Variants in PTGES3 observed in about 807,000 individuals in gnomAD.
The protein encoded by PTGES3 is prostaglandin E synthase 3, also known as Hsp90 co-chaperone.
PTGES3 carries 5 observed loss-of-function variants against 29.9 expected under a neutral mutation model. That is an observed-to-expected ratio of 0.17 (90% CI 0.09 to 0.35). PTGES3 has a LOEUF of 0.35. Among genes scored for constraint, PTGES3 ranks in the 10% least tolerant of loss-of-function variants. The pLI is 1.00. For synonymous variants in PTGES3, 49 were observed against 57.8 expected (o/e 0.85, Z 0.69); for missense variants, 128 against 190.0 (o/e 0.67, Z 1.92).
chr12:56,675,368 C>T (rs923247721), intron 1 of PTGES3, among the ~76,000 whole-genome samples: 3 of 151,642 alleles, frequency 2.0e-5, no homozygotes, highest in Non-Finnish European at 4.4e-5. Flanking sequence ...CCAGATAAAA[C>T]AAATTTAAAT....
Position 56,687,591 on chromosome 12 carries a change from G to A in PTGES3, c.2+407C>T, listed in dbSNP as rs1045295689. On this transcript the variant is annotated intron_variant, in intron 1 of 7. Transcript: ENST00000262033. ...ACAGGTGCACTCGACTCAGGGCCTG[G>A]CCCCGGGACCACAAAGCAACAGAAC... 5 of 1,066,842 alleles carry A rather than the reference G, an allele frequency of 4.7e-6. No individual in the cohort carries two copies. The African/African-American group carries it at 6.8e-5, about 14-fold the overall frequency. The allele number at this position is 1,066,842 out of a possible 1,614,324, so 66.1% of individuals were successfully genotyped here. A position where few individuals can be genotyped will look rare whatever the true frequency, so the allele number is the denominator to read the frequency against.
chr12:56,664,199 C>A lies in PTGES3; in HGVS notation c.*280G>T. 1 of 298,026 alleles carries A rather than the reference C, an allele frequency of 3.4e-6. No homozygotes were observed. The highest frequency in any genetic ancestry group is 6.4e-6 in the Non-Finnish European group (1 of 156,264). 18.5% of individuals were successfully genotyped at this position (298,026 alleles called of 1,614,324 possible). A position where few individuals can be genotyped will look rare whatever the true frequency, so the allele number is the denominator to read the frequency against. ...GGTGAGATGTTTTTATTTATCGCAACTGCTGCATTAATTGCCTAGGACCTC... is the reference window on the plus strand; with the variant it reads ...GGTGAGATGTTTTTATTTATCGCAAATGCTGCATTAATTGCCTAGGACCTC... On this transcript the variant is annotated 3_prime_UTR_variant, in exon 8 of 8. Transcript: ENST00000262033.
intron 1 of PTGES3, among the ~76,000 whole-genome samples, chr12:56,686,668 C>A (rs943751531): frequency 6.6e-6 from 1 of 152,098 alleles, no homozygotes; most frequent in Non-Finnish European, 1.5e-5. Flanking sequence ...TGAGCCACCG[C>A]GCCCAGCCTA....
At chr12:56,682,812 G>A (rs1475320602) in intron 1 of PTGES3, among the ~76,000 whole-genome samples, 1 of 151,088 alleles carries the variant, frequency 6.6e-6, no homozygotes, top group Admixed American at 6.6e-5. Flanking sequence ...TGAGCAAAAC[G>A]GCGAAACCCC....
chr12:56,684,925 G>A (rs973563037), intron 1 of PTGES3, among the ~76,000 whole-genome samples: 5 of 152,080 alleles, frequency 3.3e-5, no homozygotes, highest in African/African-American at 4.8e-5. Flanking sequence ...AAGCCTTTAA[G>A]ACACCCAGCA....
chr12:56,683,964 AAAAAAAAC>A (rs1278585944), intron 1 of PTGES3, among the ~76,000 whole-genome samples: 29 of 141,878 alleles, frequency 2.0e-4, no homozygotes, highest in East Asian at 3.9e-4. Flanking sequence ...TCTCAAAAAA[AAAAAAAAC>A]AAAAAAAACA....
intron 1 of PTGES3, among the ~76,000 whole-genome samples, chr12:56,684,140 T>C (rs1482829047): frequency 6.6e-6 from 1 of 152,056 alleles, no homozygotes; most frequent in Non-Finnish European, 1.5e-5. Flanking sequence ...TTCTGAACAG[T>C]TGATATTTAC....
intron 1 of PTGES3, among the ~76,000 whole-genome samples, chr12:56,673,965 AAACAAACAAC>A (rs776958598): frequency 1.3e-5 from 2 of 151,952 alleles, no homozygotes; most frequent in African/African-American, 2.4e-5. Context: ...CTCTGTCTCA[AAACAAACAAC>A]AACAACAAAA....
At chr12:56,683,959 AAAAAAAAAAAAAC>A (rs1952701484) in intron 1 of PTGES3, among the ~76,000 whole-genome samples, 1 of 149,078 alleles carries the variant, frequency 6.7e-6, no homozygotes, top group South Asian at 2.1e-4. Flanking sequence ...CTCCGTCTCA[AAAAAAAAAAAAAC>A]AAAAAAAACA....
rs530895738 is a variant in PTGES3 at position 56,683,316 on chromosome 12, TCTA to T, written c.2+4679_2+4681del. 2.5e-3 allele frequency among the ~76,000 whole-genome samples: 378 copies of T among 150,796 alleles called. 1 individual carries two copies. Among genetic ancestry groups the T allele is most frequent in the African/African-American group, 8.7e-3 (359 of 41,100 alleles). The stretch of plus-strand genomic sequence containing the variant: ...CTGACCAACATGGAGAAACCCCATC[TCTA>T]CTAATTAGCCGGGCATGGTGGCGCA... On this transcript the variant is annotated intron_variant, in intron 1 of 7. Coordinates refer to ENST00000262033, the MANE Select transcript of PTGES3 (RefSeq NM_006601.7).
chr12:56,668,108 C>A (rs1168786359), intron 5 of PTGES3, among the ~76,000 whole-genome samples: 1 of 151,796 alleles, frequency 6.6e-6, no homozygotes. Context: ...AACTCTGCCT[C>A]AAAAAAATAA....
intron 5 of PTGES3, among the ~76,000 whole-genome samples, chr12:56,669,050 C>G (rs549019775): frequency 1.5e-5 from 2 of 134,746 alleles, no homozygotes; most frequent in South Asian, 4.7e-4. Flanking sequence ...TGCTCTGTCG[C>G]CCAGGCTGGA....
intron 5 of PTGES3, among the ~76,000 whole-genome samples, chr12:56,669,310 G>A (rs1473027159): frequency 6.6e-6 from 1 of 151,752 alleles, no homozygotes; most frequent in Non-Finnish European, 1.5e-5. Flanking sequence ...TTCCTGCCTC[G>A]GCCTCCCGAG....
chr12:56,668,089 C>T (rs1017689707), intron 5 of PTGES3, among the ~76,000 whole-genome samples: 2 of 152,150 alleles, frequency 1.3e-5, no homozygotes, highest in African/African-American at 2.4e-5. Context: ...TCCTGGGCAA[C>T]AAGAGCAAAA....
chr12:56,684,409 C>T (rs1248781013), intron 1 of PTGES3, among the ~76,000 whole-genome samples: 1 of 152,180 alleles, frequency 6.6e-6, no homozygotes, highest in Non-Finnish European at 1.5e-5. Context: ...GAACAAAGGC[C>T]ACCCACCATC....
intron 1 of PTGES3, among the ~76,000 whole-genome samples, chr12:56,676,777 G>C (rs1255212202): frequency 4.0e-5 from 6 of 151,802 alleles, no homozygotes; most frequent in Non-Finnish European, 8.8e-5. Context: ...ACAAAAATTA[G>C]ACAGGCATGG....
rs1291050250 is a variant in PTGES3, at chr12:56,674,750, C to T, written c.3-1685G>A. ...CTGAGACAGGAGAATGGCATGAACCCAGGAGGCGGAGCTTGCAGTGAGCTG... is the reference window on the plus strand; with the variant it reads ...CTGAGACAGGAGAATGGCATGAACCTAGGAGGCGGAGCTTGCAGTGAGCTG... On this transcript the variant is annotated intron_variant, in intron 1 of 7. Transcript: ENST00000262033. Among the ~76,000 whole-genome samples, 24 of 140,620 alleles carry T rather than the reference C, an allele frequency of 1.7e-4. No homozygotes were observed. In the Admixed American group the frequency reaches 1.9e-3, roughly 11 times the overall value. 92.3% of individuals were successfully genotyped at this position (140,620 alleles called of 152,430 possible). A position where few individuals can be genotyped will look rare whatever the true frequency, so the allele number is the denominator to read the frequency against.
chr12:56,683,473 C>CAAA (rs71081388), intron 1 of PTGES3, among the ~76,000 whole-genome samples: 1,026 of 29,722 alleles, frequency 0.035, 171 homozygotes, highest in African/African-American at 0.047. Flanking sequence ...AACTCTGTCT[C>CAAA]AAAAAAAAAA....
At chr12:56,664,536 G>A (rs1337092692) in intron 7 of PTGES3, 38 bp from the exon 8 acceptor site, 33 of 1,559,918 alleles carry the variant, frequency 2.1e-5, no homozygotes, top group Non-Finnish European at 2.9e-5. Flanking sequence ...TATAGTACAA[G>A]TGAATAATCT....
Sources: allele counts gnomAD v4.1 joint callset (sites outside exome capture counted in the v4.1 genomes callset), GRCh38; gene constraint gnomAD v4.1.1; transcripts MANE v1.5; gene names NCBI Gene and HGNC (gene_info 2026-07-23, HGNC 2026-07-21).